Variants in KANK4 observed in about 807,000 individuals in gnomAD.
KANK4 encodes the protein KN motif and ankyrin repeat domain-containing protein 4.
In KANK4, 50 loss-of-function variants were observed where a neutral mutation model predicts 80.8. The observed-to-expected ratio is 0.62, with a 90% CI of 0.49 to 0.78. KANK4 has a LOEUF of 0.78. KANK4 is among the 30% of genes least tolerant of loss of function. KANK4 has a pLI of 0.00. For missense variants in KANK4, 1,196 were observed against 1,240.1 expected, an observed-to-expected ratio of 0.96 and a Z score of 0.53; for synonymous variants, 465 against 506.9, an observed-to-expected ratio of 0.92 and a Z score of 1.11.
Position 62,274,649 on chromosome 1 carries a change from A to G in KANK4, c.455T>C (p.Phe152Ser). Residue 152 changes from phenylalanine (F) to serine (S), a missense_variant, in exon 3 of 10, where the codon TTT becomes TCT. By Grantham distance (155) the Phe-to-Ser change is radical. This residue lies in a region of KANK4 where 1,154 missense variants were observed against 1,179.6 expected (regional missense o/e 0.98). Coordinates refer to ENST00000371153, the MANE Select transcript of KANK4 (RefSeq NM_181712.5). ...AAEPEDAELT[F>S]GSGRPQLLRA... ...CAAGAGCTGGGGCCGTCCACTCCCAAAAGTGAGCTCGGCATCCTCTGGCTC... is the reference window on the plus strand; with the variant it reads ...CAAGAGCTGGGGCCGTCCACTCCCAGAAGTGAGCTCGGCATCCTCTGGCTC... 1 of 1,614,220 alleles carries G rather than the reference A, an allele frequency of 6.2e-7. No individual in the cohort carries two copies. Among genetic ancestry groups the G allele is most frequent in the Non-Finnish European group, 8.5e-7 (1 of 1,180,028 alleles).
In KANK4 at chr1:62,238,235, G is replaced by A. The variant is rs769836890; in HGVS notation, c.*42C>T. The stretch of plus-strand genomic sequence containing the variant: ...TTCAAGGGCGAGGGAGGAGTCCAGA[G>A]AAGAAGGCTTTTGTTCCCCACGGCC... On this transcript the variant is annotated 3_prime_UTR_variant, in exon 10 of 10. Coordinates refer to ENST00000371153, the MANE Select transcript of KANK4 (RefSeq NM_181712.5). The A allele has an allele frequency of 2.0e-6, 3 of 1,468,326 alleles. No individual in the cohort carries two copies. In the African/African-American group the frequency reaches 4.2e-5, roughly 20 times the overall value. 91.0% of individuals were successfully genotyped at this position (1,468,326 alleles called of 1,614,324 possible).
intron 8 of KANK4, among the ~76,000 whole-genome samples, chr1:62,249,995 CT>C (rs1036432562): frequency 2.7e-5 from 4 of 148,698 alleles, no homozygotes; most frequent in South Asian, 4.3e-4. Flanking sequence ...CTTTTCTTTT[CT>C]TTTTTTTGAG....
intron 1 of KANK4, among the ~76,000 whole-genome samples, chr1:62,299,439 G>T (rs557062820): frequency 4.0e-4 from 61 of 152,248 alleles, no homozygotes; most frequent in African/African-American, 1.4e-3. Flanking sequence ...TGGTGAGCTG[G>T]TACCTGATGA....
Position 62,247,657 on chromosome 1 carries a change from G to A in KANK4, c.2698C>T (p.Leu900=). 1.9e-6 allele frequency: 3 copies of A among 1,613,662 alleles called. No homozygotes were observed. Among genetic ancestry groups the A allele is most frequent in the Non-Finnish European group, 2.5e-6 (3 of 1,180,016 alleles). Residue 900 remains leucine, a synonymous_variant, in exon 9 of 10, where the codon CTG becomes TTG. Coordinates refer to ENST00000371153, the MANE Select transcript of KANK4 (RefSeq NM_181712.5). ...CTGTCGTGGCTGACTCCCAGCATCA[G>A]CGCAGTCTGGCCTCCCTGCATGCAG... The part of the protein sequence containing the change: ...IQATQGGQTA[L]MLGVSHDRED...
chr1:62,317,961 G>T (rs1438748136), intron 1 of KANK4, among the ~76,000 whole-genome samples: 1 of 152,170 alleles, frequency 6.6e-6, no homozygotes, highest in Non-Finnish European at 1.5e-5. Context: ...TCACATTATG[G>T]TCCAGTGAAG....
intron 4 of KANK4, among the ~76,000 whole-genome samples, chr1:62,270,247 A>G (rs770622131): frequency 3.4e-4 from 51 of 152,158 alleles, no homozygotes; most frequent in Admixed American, 2.3e-3. Context: ...CGTGACCTAT[A>G]CTAGGCTTTG....
intron 1 of KANK4, among the ~76,000 whole-genome samples, chr1:62,291,558 A>G (rs1389810353): frequency 1.3e-5 from 2 of 152,098 alleles, no homozygotes; most frequent in African/African-American, 4.8e-5. Context: ...CTCTCACCTC[A>G]GCCTTCTGAG....
chr1:62,306,148 C>G (rs1644449400), intron 1 of KANK4, among the ~76,000 whole-genome samples: 1 of 151,932 alleles, frequency 6.6e-6, no homozygotes, highest in Admixed American at 6.6e-5. Flanking sequence ...CCATGCCCAG[C>G]TAATTTTTAT....
intron 7 of KANK4, among the ~76,000 whole-genome samples, chr1:62,259,443 A>G (rs1247004196): frequency 1.3e-5 from 2 of 152,032 alleles, no homozygotes; most frequent in Non-Finnish European, 2.9e-5. Context: ...CGCCTGGCTA[A>G]TCTTCGTATT....
chr1:62,237,263 G>A lies in KANK4; in HGVS notation c.*1014C>T, dbSNP rs747409672. On this transcript the variant is annotated 3_prime_UTR_variant, in exon 10 of 10. Transcript: ENST00000371153. The stretch of plus-strand genomic sequence containing the variant: ...CCAGGGAATATGGAAGCTTCGGAAG[G>A]TATTGCTCTGCCCTGCCTGGGTCCC... 4 of 151,966 alleles carry A rather than the reference G, an allele frequency of 2.6e-5. No individual in the cohort carries two copies. The highest frequency in any genetic ancestry group is 5.9e-5 in the Non-Finnish European group (4 of 68,040). The allele number at this position is 151,966 out of a possible 1,614,324, so 9.4% of individuals were successfully genotyped here.
chr1:62,264,684 A>G (rs750807957), intron 6 of KANK4, among the ~76,000 whole-genome samples: 1 of 152,234 alleles, frequency 6.6e-6, no homozygotes, highest in Non-Finnish European at 1.5e-5. Flanking sequence ...TTTCTAGAGC[A>G]GAATCAGTGG....
intron 1 of KANK4, among the ~76,000 whole-genome samples, chr1:62,297,218 G>A (rs1644373572): frequency 6.6e-6 from 1 of 152,132 alleles, no homozygotes; most frequent in African/African-American, 2.4e-5. Context: ...AGGTGACAGA[G>A]TGAGACTCCG....
At chr1:62,302,501 C>A (rs1644420145) in intron 1 of KANK4, among the ~76,000 whole-genome samples, 1 of 151,918 alleles carries the variant, frequency 6.6e-6, no homozygotes, top group Non-Finnish European at 1.5e-5. Context: ...ACTGAATGAG[C>A]CCCCTCTAAA....
At chr1:62,295,778 G>A (rs1644358696) in intron 1 of KANK4, among the ~76,000 whole-genome samples, 1 of 152,238 alleles carries the variant, frequency 6.6e-6, no homozygotes, top group Non-Finnish European at 1.5e-5. Flanking sequence ...TCTTTAAAAA[G>A]AATGTGGCCA....
At chr1:62,261,880 T>C (rs1439282216) in intron 7 of KANK4, among the ~76,000 whole-genome samples, 2 of 152,166 alleles carry the variant, frequency 1.3e-5, no homozygotes, top group Non-Finnish European at 2.9e-5. Flanking sequence ...AGTGCACCTT[T>C]GCCGCTCCCT....
intron 5 of KANK4, among the ~76,000 whole-genome samples, chr1:62,267,903 C>G (rs1672063252): frequency 6.6e-6 from 1 of 152,178 alleles, no homozygotes; most frequent in Non-Finnish European, 1.5e-5. Context: ...GCCAGGGTCC[C>G]TATTCTGCTA....
chr1:62,298,062 G>T (rs1433558252), intron 1 of KANK4: 1 of 152,176 alleles, frequency 6.6e-6, no homozygotes, highest in Non-Finnish European at 1.5e-5. Context: ...TGTTAACTCG[G>T]GAGCACGATG....
Position 62,274,232 on chromosome 1 carries a change from G to T in KANK4, c.872C>A (p.Ser291Ter). The T allele has an allele frequency of 6.2e-7, 1 of 1,614,108 alleles. No individual in the cohort carries two copies. The highest frequency in any genetic ancestry group is 1.1e-5 in the South Asian group (1 of 91,074). Residue 291 changes from serine (S) to a stop codon, truncating the protein, a stop_gained, in exon 3 of 10, where the codon TCA (serine) becomes TAA (stop). Transcript: ENST00000371153. LOFTEE classifies it high-confidence loss of function. ...SPTPSPPPLP[S>*]PIPENELLLE... ...GAGGAGCTCATTCTCAGGGATGGGT[G>T]ATGGCAGAGGTGGCGGGCTTGGCGT...
intron 1 of KANK4, among the ~76,000 whole-genome samples, chr1:62,283,253 A>C (rs979374376): frequency 1.3e-5 from 2 of 151,696 alleles, no homozygotes; most frequent in African/African-American, 4.8e-5. Flanking sequence ...TCTCCCTCCC[A>C]CCCCTGTAAC....
Sources: allele counts gnomAD v4.1 joint callset (sites outside exome capture counted in the v4.1 genomes callset), GRCh38; gene constraint gnomAD v4.1.1; regional missense constraint gnomAD v4.1.1; transcripts MANE v1.5; gene names NCBI Gene and HGNC (gene_info 2026-07-23, HGNC 2026-07-21).